Variants in PKN3 observed in about 807,000 individuals in gnomAD.
PKN3 encodes the protein protein kinase N3.
PKN3 carries 91 observed loss-of-function variants against 113.1 expected under a neutral mutation model. The ratio of observed to expected loss-of-function variants is 0.80; its 90% CI spans 0.68 to 0.96. PKN3 has a LOEUF of 0.96. Ranked by LOEUF, PKN3 falls within the 40% of genes least tolerant of loss-of-function variation. The probability of loss-of-function intolerance (pLI) is 0.00; values close to 1 mark genes in which losing one functional copy is unlikely to be tolerated. For missense variants in PKN3, 1,052 were observed against 1,202.2 expected, an observed-to-expected ratio of 0.88 and a Z score of 1.85; for synonymous variants, 467 against 499.0, an observed-to-expected ratio of 0.94 and a Z score of 0.85.
chr9:128,719,133 T>C (rs2132335610), intron 18 of PKN3, among the ~76,000 whole-genome samples: 1 of 151,880 alleles, frequency 6.6e-6, no homozygotes, highest in East Asian at 1.9e-4. Context: ...CCTGACCTCA[T>C]GATCCACCCA....
intron 1 of PKN3, chr9:128,703,689 G>A (rs1216139754): frequency 1.0e-6 from 1 of 985,430 alleles, no homozygotes; most frequent in Non-Finnish European, 1.2e-6. Flanking sequence ...CCATGTTGGA[G>A]TTCCAACCCA....
intron 13 of PKN3, 63 bp downstream of exon 13, chr9:128,714,928 T>A: frequency 6.7e-7 from 1 of 1,487,730 alleles, no homozygotes; most frequent in South Asian, 1.1e-5. Context: ...CATTTGTGTA[T>A]CCATTCATAC....
intron 1 of PKN3, chr9:128,704,151 A>G: frequency 1.0e-6 from 1 of 985,270 alleles, no homozygotes; most frequent in Non-Finnish European, 1.2e-6. Flanking sequence ...TTCCTGCAAC[A>G]GCCCGTGTTG....
rs1276929618 is a variant in PKN3, at chr9:128,715,150, T to C, written c.1653-22T>C. On this transcript the variant is annotated intron_variant, in intron 13 of 21. Coordinates refer to ENST00000291906, the MANE Select transcript of PKN3 (RefSeq NM_013355.5). This position sits in a 1 kb window ranked among gnomAD's most constrained non-coding sequence, Gnocchi z 4.1. ...CCAGCCAGTGCCCTAGGGGACTTCA[T>C]ATACCCTCTCTTCCTTTGCAGGAAA... 1.2e-6 allele frequency: 2 copies of C among 1,612,834 alleles called. No homozygotes were observed. Among genetic ancestry groups the C allele is most frequent in the Non-Finnish European group, 1.7e-6 (2 of 1,178,974 alleles).
At chr9:128,711,219 T>TG (rs1862164491) in intron 6 of PKN3, among the ~76,000 whole-genome samples, 1 of 152,108 alleles carries the variant, frequency 6.6e-6, no homozygotes, top group Admixed American at 6.5e-5. Flanking sequence ...TTGGTCAGGC[T>TG]GGTCTCGAAC....
chr9:128,707,139 G>A (rs1862043516), intron 5 of PKN3, 83 bp from the exon 6 acceptor site: 2 of 1,580,528 alleles, frequency 1.3e-6, no homozygotes, highest in South Asian at 1.1e-5. Flanking sequence ...GAGACTTCAT[G>A]CGGAAGGTGG....
At position 128,714,797 on chromosome 9, in the gene PKN3, G is replaced by A. The variant is rs766546039; in HGVS notation, c.1585-1G>A. The A allele has an allele frequency of 3.7e-6, 6 of 1,613,796 alleles. No homozygotes were observed. The highest frequency in any genetic ancestry group is 5.1e-6 in the Non-Finnish European group (6 of 1,179,772). ...TGCCCTGAGCTCCTCTATACTCACA[G>A]CGCACCAAACGTCCCCATATGGAGC... is the stretch of plus-strand genomic sequence containing the variant. On this transcript the variant is annotated splice_acceptor_variant, in intron 12 of 21. Coordinates refer to ENST00000291906, the MANE Select transcript of PKN3 (RefSeq NM_013355.5). LOFTEE classifies it high-confidence loss of function.
chr9:128,717,711 G>A (rs1862385938), intron 16 of PKN3, among the ~76,000 whole-genome samples: 1 of 134,304 alleles, frequency 7.4e-6, no homozygotes, highest in Admixed American at 7.8e-5. Context: ...GACAGAGTGA[G>A]ACTCCATCTA....
At chr9:128,717,864 A>G (rs1862392259) in intron 16 of PKN3, among the ~76,000 whole-genome samples, 1 of 140,326 alleles carries the variant, frequency 7.1e-6, no homozygotes, top group Admixed American at 7.2e-5. Context: ...TAAAAACTAA[A>G]AAAAAAAAAA....
intron 6 of PKN3, among the ~76,000 whole-genome samples, chr9:128,708,428 A>G (rs1019585323): frequency 2.6e-5 from 4 of 152,052 alleles, no homozygotes; most frequent in Non-Finnish European, 5.9e-5. Flanking sequence ...ATAAAATTAA[A>G]CTAAAATTGC....
chr9:128,719,601 C>A, intron 18 of PKN3, 85 bp from the exon 19 acceptor site: 1 of 1,385,854 alleles, frequency 7.2e-7, no homozygotes, highest in Non-Finnish European at 9.8e-7. Flanking sequence ...ACAGGCTCAG[C>A]TCCCTGGCAT....
At chr9:128,719,471 G>A (rs991606140) in intron 18 of PKN3, among the ~76,000 whole-genome samples, 2 of 152,178 alleles carry the variant, frequency 1.3e-5, no homozygotes, top group Non-Finnish European at 2.9e-5. Flanking sequence ...TTACAGGTGT[G>A]AGCCACCGCA....
chr9:128,710,799 A>T (rs1371796436), intron 6 of PKN3, among the ~76,000 whole-genome samples: 1 of 150,694 alleles, frequency 6.6e-6, no homozygotes, highest in East Asian at 2.0e-4. Flanking sequence ...GGCCCAAGGA[A>T]TGTTTTCTAG....
rs372123292 is a variant in PKN3 at position 128,714,106 on chromosome 9, T to C, written c.1297T>C (p.Phe433Leu). Residue 433 changes from phenylalanine (F) to leucine (L), a missense_variant, in exon 10 of 22, where the codon TTC becomes CTC. Phe to Leu is a conservative substitution (Grantham distance 22). Transcript: ENST00000291906. ...RPRLQRQERI[F>L]SKRRGQDFLR... ...CCGGCTGCAGAGGCAGGAACGCATC[T>C]TCTCTAAACGCAGAGGTGTGGAGGG... 3.0e-5 allele frequency: 48 copies of C among 1,613,978 alleles called. No individual in the cohort carries two copies. The highest frequency in any genetic ancestry group is 4.1e-5 in the Non-Finnish European group (48 of 1,179,998).
intron 13 of PKN3, 42 bp downstream of exon 13, chr9:128,714,907 G>A: frequency 6.4e-7 from 1 of 1,570,722 alleles, no homozygotes; most frequent in Non-Finnish European, 8.8e-7. Flanking sequence ...ACGTTCGTCT[G>A]CTTGCTTGAA....
At chr9:128,705,278 C>CCT in intron 1 of PKN3, 25 bp from the exon 2 acceptor site, 1 of 1,549,122 alleles carries the variant, frequency 6.5e-7, no homozygotes, top group Non-Finnish European at 8.7e-7. Context: ...TGTTCTCCAC[C>CCT]CTCTGCTTTC....
At chr9:128,716,320 G>A (rs1862337204) in intron 15 of PKN3, among the ~76,000 whole-genome samples, 1 of 150,932 alleles carries the variant, frequency 6.6e-6, no homozygotes, top group South Asian at 2.1e-4. Context: ...AAAAAAGGCT[G>A]GGCGCACTGG....
chr9:128,710,238 A>G (rs1862138443), intron 6 of PKN3, among the ~76,000 whole-genome samples: 1 of 151,580 alleles, frequency 6.6e-6, no homozygotes, highest in African/African-American at 2.4e-5. Flanking sequence ...AAAAAAGTTA[A>G]TTTTCTTATC....
intron 15 of PKN3, among the ~76,000 whole-genome samples, chr9:128,716,297 CA>C (rs35693710): frequency 0.88 from 87,306 of 98,708 alleles, 38,787 homozygotes; most frequent in South Asian, 0.96. Context: ...GACCCTGTCT[CA>C]AAAAAAAAAA....
Sources: allele counts gnomAD v4.1 joint callset (sites outside exome capture counted in the v4.1 genomes callset), GRCh38; gene constraint gnomAD v4.1.1; non-coding constraint Gnocchi (gnomAD v3.1); transcripts MANE v1.5; gene names NCBI Gene and HGNC (gene_info 2026-07-23, HGNC 2026-07-21).